Variants in HAL observed in about 807,000 individuals in gnomAD.
The protein encoded by HAL is histidine ammonia-lyase.
Under a neutral mutation model 81.1 loss-of-function variants are expected in HAL, and 85 were observed. The observed-to-expected ratio is 1.05, with a 90% confidence interval of 0.88 to 1.25. The LOEUF (loss-of-function observed/expected upper bound fraction) is 1.25, where lower values mean the gene tolerates loss of function less well. HAL is among the 50% of genes most tolerant of loss of function. HAL has a pLI of 0.00. For synonymous variants in HAL, 301 were observed against 309.2 expected (o/e 0.97, Z 0.28); for missense variants, 798 against 836.6 (o/e 0.95, Z 0.57).
At chr12:95,984,331 T>C (rs551092235) in intron 14 of HAL, among the ~76,000 whole-genome samples, 2 of 152,320 alleles carry the variant, frequency 1.3e-5, no homozygotes, top group South Asian at 2.1e-4. Flanking sequence ...CTTAGGTTTA[T>C]AGTTAAAAGA....
chr12:95,978,616 T>C lies in HAL; in HGVS notation c.1520-538A>G, dbSNP rs1056599508. Among the ~76,000 whole-genome samples the C allele has an allele frequency of 2.6e-5, 4 of 152,178 alleles. No individual in the cohort carries two copies. The South Asian group carries it at 6.2e-4, about 24-fold the overall frequency. ...TAGGGAGGACCAAGACATGGGACTC[T>C]CAAGCTTTCCAGTGCACATGAATCA... On this transcript the variant is annotated intron_variant, in intron 17 of 20. Transcript: ENST00000261208.
At chr12:95,979,009 C>T (rs1271575289) in intron 17 of HAL, among the ~76,000 whole-genome samples, 1 of 152,132 alleles carries the variant, frequency 6.6e-6, no homozygotes, top group Non-Finnish European at 1.5e-5. Flanking sequence ...AGTCCTTGGA[C>T]CCTAAACTGT....
At chr12:95,984,693 G>C (rs1426596656) in intron 14 of HAL, among the ~76,000 whole-genome samples, 1 of 152,182 alleles carries the variant, frequency 6.6e-6, no homozygotes, top group Non-Finnish European at 1.5e-5. Flanking sequence ...TTATAGTTGG[G>C]AAGATTAAAT....
Position 95,995,705 on chromosome 12 carries a change from C to T in HAL, c.206G>A (p.Arg69Gln), listed in dbSNP as rs773008807. Residue 69 changes from arginine (R) to glutamine (Q), a missense_variant, in exon 2 of 21, where the codon CGG (arginine) becomes CAG (glutamine). Transcript: ENST00000261208. ...GTTGTTCTCTAGGGCCACCTCGAGC[C>T]GGTCCTCGTTGTCCAGCAGGCCCAG... ...KGLGLLDNEDRLEVALENNEF... is the reference protein window; with the variant it reads ...KGLGLLDNEDQLEVALENNEF... 6 of 1,613,730 alleles carry T rather than the reference C, an allele frequency of 3.7e-6. No homozygotes were observed. The highest frequency in any genetic ancestry group is 2.7e-5 in the African/African-American group (2 of 75,072).
rs373688754 is a variant in HAL at position 95,976,668 on chromosome 12, C to G, written c.1693G>C (p.Glu565Gln). ...IELLAACQGI[E>Q]FLRPLKTTTP... is the part of the protein sequence containing the mutation. ...GTTGTTTTCAGGGGACGTAGAAACTCTATGCCCTGGCAGGCTGCAAGGAGC... is the reference window on the plus strand; with the variant it reads ...GTTGTTTTCAGGGGACGTAGAAACTGTATGCCCTGGCAGGCTGCAAGGAGC... The change falls in exon 19 of 21, where the codon GAG (glutamate) becomes CAG (glutamine). Residue 565 changes from glutamate (E) to glutamine (Q), a missense_variant. By Grantham distance (29) the Glu-to-Gln change is conservative (BLOSUM62 2). Transcript: ENST00000261208. 1.2e-6 allele frequency: 2 copies of G among 1,613,192 alleles called. No individual in the cohort carries two copies. Among genetic ancestry groups the G allele is most frequent in the Non-Finnish European group, 1.7e-6 (2 of 1,179,226 alleles).
intron 17 of HAL, among the ~76,000 whole-genome samples, chr12:95,979,419 T>C (rs1008258709): frequency 6.6e-6 from 1 of 152,222 alleles, no homozygotes; most frequent in African/African-American, 2.4e-5. Context: ...CATCAATTCA[T>C]TTAATCCTCC....
chr12:95,991,250 T>TTTTTTG (rs963203931), intron 9 of HAL, among the ~76,000 whole-genome samples: 2 of 152,220 alleles, frequency 1.3e-5, no homozygotes, highest in African/African-American at 2.4e-5. Context: ...CTAGCTGTTT[T>TTTTTTG]TTTTTGTTTT....
chr12:95,994,224 G>A, intron 4 of HAL, 60 bp from the exon 5 acceptor site: 2 of 1,110,686 alleles, frequency 1.8e-6, no homozygotes, highest in East Asian at 4.7e-5. Flanking sequence ...AACCAGAGTA[G>A]GGACACCTCC....
At chr12:95,990,234 A>G in intron 10 of HAL, 159 bp downstream of exon 10, 1 of 721,614 alleles carries the variant, frequency 1.4e-6, no homozygotes, top group South Asian at 1.5e-5. Flanking sequence ...AGTCTTGCCT[A>G]GTCTGACTTC....
At chr12:95,974,770 C>T (rs1287145969) in intron 20 of HAL, among the ~76,000 whole-genome samples, 1 of 151,936 alleles carries the variant, frequency 6.6e-6, no homozygotes, top group African/African-American at 2.4e-5. Context: ...GACAGAGTCT[C>T]ACTCTGTCGC....
chr12:95,978,526 T>G (rs753479223), intron 17 of HAL, among the ~76,000 whole-genome samples: 2 of 152,126 alleles, frequency 1.3e-5, no homozygotes, highest in Non-Finnish European at 2.9e-5. Context: ...TGTTCAAGGA[T>G]GACATAAATG....
chr12:95,974,928 T>C (rs2136784211), intron 20 of HAL, among the ~76,000 whole-genome samples: 1 of 152,204 alleles, frequency 6.6e-6, no homozygotes, highest in South Asian at 2.1e-4. Flanking sequence ...TTAGCAGAGA[T>C]GGGGTTTCAC....
Position 95,974,204 on chromosome 12 carries a change from C to G in HAL, c.*28G>C. On this transcript the variant is annotated 3_prime_UTR_variant, in exon 21 of 21. Transcript: ENST00000261208. ...TGCTTTGTGCTAAACTGACTGCCCT[C>G]TCATCTGCTACTTCATGACAAAGCC... 1 of 1,607,914 alleles carries G rather than the reference C, an allele frequency of 6.2e-7. No homozygotes were observed. The highest frequency in any genetic ancestry group is 8.5e-7 in the Non-Finnish European group (1 of 1,174,302).
intron 11 of HAL, among the ~76,000 whole-genome samples, chr12:95,987,787 C>T (rs1208305260): frequency 1.3e-5 from 2 of 152,004 alleles, no homozygotes; most frequent in African/African-American, 2.4e-5. Flanking sequence ...TGGCTCCCTG[C>T]AGCCTTGACC....
chr12:95,988,567 C>G (rs1322304156), intron 10 of HAL, among the ~76,000 whole-genome samples: 1 of 152,212 alleles, frequency 6.6e-6, no homozygotes, highest in Admixed American at 6.5e-5. Flanking sequence ...TGCCTCCTGA[C>G]ATGCAGGCAT....
At chr12:95,993,249 A>G (rs1468476350) in intron 8 of HAL, among the ~76,000 whole-genome samples, 1 of 151,976 alleles carries the variant, frequency 6.6e-6, no homozygotes, top group Non-Finnish European at 1.5e-5. Flanking sequence ...TCTCATACCA[A>G]CCCCATCCCT....
chr12:95,983,356 C>A (rs1207640504), intron 15 of HAL, among the ~76,000 whole-genome samples: 1 of 152,006 alleles, frequency 6.6e-6, no homozygotes, highest in Non-Finnish European at 1.5e-5. Context: ...CCACTGCACT[C>A]CAGCCTAGGA....
chr12:95,984,578 T>C (rs115513045), intron 14 of HAL, among the ~76,000 whole-genome samples: 1 of 152,184 alleles, frequency 6.6e-6, no homozygotes, highest in Non-Finnish European at 1.5e-5. Context: ...CTGGCTCTGG[T>C]TTCTCCCAGA....
rs1160799657 is a variant in HAL at position 95,987,272 on chromosome 12, C to T, written c.904-58G>A. 1.3e-5 allele frequency: 19 copies of T among 1,435,688 alleles called. No individual in the cohort carries two copies. In the Middle Eastern group the frequency reaches 7.0e-4, roughly 53 times the overall value. The allele number at this position is 1,435,688 out of a possible 1,614,324, so 88.9% of individuals were successfully genotyped here. ...GATTATTGTAACGAACCTACATACCCGTGGATTTTGTATCTTTTGCTTTCA... is the reference window on the plus strand; with the variant it reads ...GATTATTGTAACGAACCTACATACCTGTGGATTTTGTATCTTTTGCTTTCA... On this transcript the variant is annotated intron_variant, in intron 11 of 20. Transcript: ENST00000261208.
Sources: allele counts gnomAD v4.1 joint callset (sites outside exome capture counted in the v4.1 genomes callset), GRCh38; gene constraint gnomAD v4.1.1; transcripts MANE v1.5; gene names NCBI Gene and HGNC (gene_info 2026-07-23, HGNC 2026-07-21).